AGPAT2: variants seen among roughly 807,000 people sequenced by gnomAD.
The protein encoded by AGPAT2 is 1-acyl-sn-glycerol-3-phosphate acyltransferase beta.
A neutral mutation model predicts 26.1 loss-of-function variants in AGPAT2; 18 were observed. The ratio of observed to expected loss-of-function variants is 0.69; its 90% CI spans 0.48 to 1.02. The LOEUF (loss-of-function observed/expected upper bound fraction) is 1.02, where lower values mean the gene tolerates loss of function less well. Ranked by LOEUF, AGPAT2 falls within the 50% of genes least tolerant of loss-of-function variation. AGPAT2 has a pLI of 0.00. For synonymous variants in AGPAT2, 200 were observed against 174.2 expected (o/e 1.15, Z -1.16); for missense variants, 415 against 394.9 (o/e 1.05, Z -0.43).
intron 3 of AGPAT2, 80 bp from the exon 4 acceptor site, chr9:136,676,760 C>T: frequency 1.4e-6 from 2 of 1,419,510 alleles, no homozygotes; most frequent in Middle Eastern, 1.8e-4. Flanking sequence ...TCCTAAGAAG[C>T]CCCACTTCGC....
In AGPAT2 at chr9:136,673,819, AG is replaced by A. The variant is rs1385985909; in HGVS notation, c.769del (p.Leu257SerfsTer30). On this transcript the variant is annotated frameshift_variant, in exon 6 of 6. Transcript: ENST00000371696. LOFTEE classifies it low-confidence loss of function (END_TRUNC). ...TCHRAMRTTF[L>X]HISKTPQENG... ...CTCCTGGGGGGTCTTGGAGATGTGG[AG>A]GAAGGTGGTCCTCATGGCCCGGTGG... The A allele has an allele frequency of 2.5e-6, 4 of 1,606,708 alleles. No homozygotes were observed. The African/African-American group carries it at 5.3e-5, about 21-fold the overall frequency.
chr9:136,677,471 G>A lies in AGPAT2; in HGVS notation c.268C>T (p.Arg90Cys), dbSNP rs754330975. ...VRDPRRLQEA[R>C]PCVIVSNHQS... ...TGGTTGGAGACGATGACACAGGGAC[G>A]GGCCTCCTGCAGCCTGCGCGGGTCC... Residue 90 changes from arginine to cysteine, a missense_variant, in exon 2 of 6, where the codon CGT (arginine) becomes TGT (cysteine). Arg to Cys is a radical substitution (Grantham distance 180, BLOSUM62 -3). Transcript: ENST00000371696. 21 of 1,613,114 alleles carry A rather than the reference G, an allele frequency of 1.3e-5. No individual in the cohort carries two copies. The highest frequency in any genetic ancestry group is 3.3e-5 in the South Asian group (3 of 91,088).
chr9:136,679,484 G>A (rs1434342868), intron 1 of AGPAT2, among the ~76,000 whole-genome samples: 3 of 152,130 alleles, frequency 2.0e-5, no homozygotes, highest in Non-Finnish European at 4.4e-5. Flanking sequence ...GCCGGCCACC[G>A]TCCCCTCCCA....
At position 136,676,564 on chromosome 9, in the gene AGPAT2, G is replaced by C. The variant is rs17848856; in HGVS notation, c.588+21C>G. On this transcript the variant is annotated intron_variant, in intron 4 of 5. Coordinates refer to ENST00000371696, the MANE Select transcript of AGPAT2 (RefSeq NM_006412.4). ...GCCTCCCCAGCCTGCACCCACCCAGGGAGGGCTGGGCTCAGCCTACCTGTG... is the reference window on the plus strand; with the variant it reads ...GCCTCCCCAGCCTGCACCCACCCAGCGAGGGCTGGGCTCAGCCTACCTGTG... The C allele has an allele frequency of 2.4e-3, 3,775 of 1,603,642 alleles. 63 individuals carry two copies. In the East Asian group the frequency reaches 0.046, roughly 19 times the overall value.
Position 136,677,415 on chromosome 9 carries a change from C to A in AGPAT2, c.316+8G>T. The A allele has an allele frequency of 1.2e-6, 2 of 1,613,198 alleles. No individual in the cohort carries two copies. Among genetic ancestry groups the A allele is most frequent in the Non-Finnish European group, 1.7e-6 (2 of 1,179,932 alleles). Reference sequence around the variant, plus strand: ...AACCCCAGAAGCCACCCCCGAGGCCCGGCCTACCCATCATGTCCAGGATGC... The same window carrying A: ...AACCCCAGAAGCCACCCCCGAGGCCAGGCCTACCCATCATGTCCAGGATGC... On this transcript the variant is annotated splice_region_variant and intron_variant, in intron 2 of 5. Transcript: ENST00000371696.
chr9:136,680,371 T>C (rs1048671514), intron 1 of AGPAT2, among the ~76,000 whole-genome samples: 6 of 152,120 alleles, frequency 3.9e-5, no homozygotes, highest in Non-Finnish European at 7.4e-5. Flanking sequence ...GGATTACAGG[T>C]GCCTGCCACC....
rs1397693591 is a variant in AGPAT2 at position 136,675,428 on chromosome 9, GCA to G, written c.589-623_589-622del. 8.3e-4 allele frequency among the ~76,000 whole-genome samples: 39 copies of G among 46,914 alleles called. 8 individuals carry two copies. Among genetic ancestry groups the G allele is most frequent in the South Asian group, 2.4e-3 (2 of 828 alleles). The allele number at this position is 46,914 out of a possible 152,430, so 30.8% of individuals were successfully genotyped here. The stretch of plus-strand genomic sequence containing the variant: ...GGGCCAGCAGGTAGGCTGGGGACTG[GCA>G]GCAGGAAGGGAGGAGGCCAGCAGGT... On this transcript the variant is annotated intron_variant, in intron 4 of 5. Transcript: ENST00000371696.
In AGPAT2 at chr9:136,677,149, G is replaced by A. The variant is rs778169961; in HGVS notation, c.317-13C>T. ...ACCTCCATGAGGCCTGGGAGACAGA[G>A]AGACAGAGACAGAGAGAGAGGGGGA... On this transcript the variant is annotated splice_polypyrimidine_tract_variant and intron_variant, in intron 2 of 5. Coordinates refer to ENST00000371696, the MANE Select transcript of AGPAT2 (RefSeq NM_006412.4). 6.2e-7 allele frequency: 1 copy of A among 1,612,288 alleles called. No homozygotes were observed. Among genetic ancestry groups the A allele is most frequent in the Non-Finnish European group, 8.5e-7 (1 of 1,179,628 alleles).
intron 1 of AGPAT2, among the ~76,000 whole-genome samples, chr9:136,686,239 G>A (rs534560077): frequency 1.1e-4 from 17 of 152,366 alleles, no homozygotes; most frequent in African/African-American, 3.8e-4. Flanking sequence ...CTGGAACCAC[G>A]GGGAAGGGGG....
intron 3 of AGPAT2, 91 bp from the exon 4 acceptor site, chr9:136,676,771 A>C: frequency 7.2e-7 from 1 of 1,389,350 alleles, no homozygotes; most frequent in Non-Finnish European, 1.0e-6. Flanking sequence ...CCCACTTCGC[A>C]AAGCAGCTGG....
intron 1 of AGPAT2, among the ~76,000 whole-genome samples, chr9:136,686,771 G>A (rs1365961945): frequency 6.6e-6 from 1 of 152,236 alleles, no homozygotes; most frequent in Non-Finnish European, 1.5e-5. Flanking sequence ...ATAGCCCTGG[G>A]GCAAGTCCCC....
chr9:136,674,026 T>A, intron 5 of AGPAT2, 99 bp from the exon 6 acceptor site: 1 of 1,239,366 alleles, frequency 8.1e-7, no homozygotes, highest in Non-Finnish European at 1.1e-6. Context: ...CCACAGCCCC[T>A]CCCTGGGAAG....
rs571505718 is a variant in AGPAT2, at chr9:136,673,539, C to T, written c.*213G>A. On this transcript the variant is annotated 3_prime_UTR_variant, in exon 6 of 6. Coordinates refer to ENST00000371696, the MANE Select transcript of AGPAT2 (RefSeq NM_006412.4). ...GTGGGCGCGAGTCCCTGCCCTCGAGCCCGGGGAGGGTCCAGCTGAGCCCCC... is the reference window on the plus strand; with the variant it reads ...GTGGGCGCGAGTCCCTGCCCTCGAGTCCGGGGAGGGTCCAGCTGAGCCCCC... The T allele has an allele frequency of 2.2e-6, 1 of 458,068 alleles. No individual in the cohort carries two copies. Among genetic ancestry groups the T allele is most frequent in the East Asian group, 3.6e-5 (1 of 28,004 alleles). The allele number at this position is 458,068 out of a possible 1,614,324, so 28.4% of individuals were successfully genotyped here. A position where few individuals can be genotyped will look rare whatever the true frequency, so the allele number is the denominator to read the frequency against.
At chr9:136,674,195 G>C (rs1285388588) in intron 5 of AGPAT2, among the ~76,000 whole-genome samples, 1 of 152,198 alleles carries the variant, frequency 6.6e-6, no homozygotes, top group Non-Finnish European at 1.5e-5. Flanking sequence ...CCCACTTCCT[G>C]ATCAGCCCCT....
rs373329785 is a variant in AGPAT2 at position 136,673,770 on chromosome 9, G to A, written c.819C>T (p.Gly273=). 266 of 1,598,880 alleles carry A rather than the reference G, an allele frequency of 1.7e-4. No individual in the cohort carries two copies. Among genetic ancestry groups the A allele is most frequent in the Middle Eastern group, 2.3e-4 (1 of 4,420 alleles). Residue 273 remains glycine (G), a synonymous_variant, in exon 6 of 6, where the codon GGC becomes GGT. Transcript: ENST00000371696. ...GTCTGGGCTACTGGGCCGGCTGCACGCCAGACCCCGCAGTGGCCCCGTTCT... is the reference window on the plus strand; with the variant it reads ...GTCTGGGCTACTGGGCCGGCTGCACACCAGACCCCGCAGTGGCCCCGTTCT... ...PQENGATAGS[G]VQPAQ
chr9:136,686,519 GC>G (rs1378503909), intron 1 of AGPAT2, among the ~76,000 whole-genome samples: 9 of 152,364 alleles, frequency 5.9e-5, no homozygotes, highest in African/African-American at 2.2e-4. Flanking sequence ...TTTCAGCCCC[GC>G]CGAACCCTAG....
rs566673215 is a variant in AGPAT2 at position 136,678,073 on chromosome 9, C to T, written c.183-517G>A. On this transcript the variant is annotated intron_variant, in intron 1 of 5. Coordinates refer to ENST00000371696, the MANE Select transcript of AGPAT2 (RefSeq NM_006412.4). ...CAGTGGAGACCTCTGAAACGACCTCCGAAAGGTTCTTCCAGAAAAGAGCCG... is the reference window on the plus strand; with the variant it reads ...CAGTGGAGACCTCTGAAACGACCTCTGAAAGGTTCTTCCAGAAAAGAGCCG... Among the ~76,000 whole-genome samples, 4 of 152,300 alleles carry T rather than the reference C, an allele frequency of 2.6e-5. No individual in the cohort carries two copies. In the East Asian group the frequency reaches 5.8e-4, roughly 22 times the overall value.
intron 5 of AGPAT2, 37 bp downstream of exon 5, chr9:136,674,698 C>A: frequency 2.2e-6 from 3 of 1,377,688 alleles, no homozygotes; most frequent in South Asian, 1.8e-5. Flanking sequence ...TAGGGTCAGG[C>A]GGGGCCTACA....
chr9:136,673,929 T>G lies in AGPAT2; in HGVS notation c.662-2A>C, dbSNP rs1131691791. On this transcript the variant is annotated splice_acceptor_variant, in intron 5 of 5. Coordinates refer to ENST00000371696, the MANE Select transcript of AGPAT2 (RefSeq NM_006412.4). LOFTEE classifies it high-confidence loss of function. ...CCAGCACCTGCACTGTGACTGTTCC[T>G]GTGGGGGAAGCAACAGACCTCAGTG... 6.4e-6 allele frequency: 10 copies of G among 1,558,818 alleles called. No homozygotes were observed. Among genetic ancestry groups the G allele is most frequent in the Admixed American group, 1.8e-5 (1 of 55,208 alleles).
Sources: gnomAD v4.1 joint callset for allele counts (sites outside exome capture counted in the v4.1 genomes callset) on GRCh38, gnomAD v4.1.1 for gene constraint, MANE v1.5 for transcripts, NCBI Gene and HGNC (gene_info 2026-07-23, HGNC 2026-07-21) for gene names.